The following CFAP46 variants were observed in gnomAD, a reference collection of about 807,000 sequenced individuals.
CFAP46 encodes cilia and flagella associated protein 46.
In CFAP46, 245 loss-of-function variants were observed where a neutral mutation model predicts 325.7. The observed-to-expected ratio is 0.75, with a 90% CI of 0.68 to 0.84. CFAP46 has a LOEUF of 0.84. CFAP46 is among the 40% of genes least tolerant of loss of function. The pLI is 0.00. For missense variants in CFAP46, 3,346 were observed against 3,543.0 expected, an observed-to-expected ratio of 0.94 and a Z score of 1.41; for synonymous variants, 1,523 against 1,495.9, an observed-to-expected ratio of 1.02 and a Z score of -0.42.
In CFAP46 at chr10:132,808,513, C is replaced by T. The variant is rs1276958358; in HGVS notation, c.8056G>A (p.Gly2686Ser). The T allele has an allele frequency of 1.9e-6, 3 of 1,613,178 alleles. No homozygotes were observed. Among genetic ancestry groups the T allele is most frequent in the Non-Finnish European group, 1.7e-6 (2 of 1,179,998 alleles). Residue 2686 changes from glycine (G) to serine (S), a missense_variant, in exon 58 of 58, where the codon GGC becomes AGC. Transcript: ENST00000368586. This position sits in a 1 kb window ranked among gnomAD's most constrained non-coding sequence, Gnocchi z 6.8. ...RRGWSCVSSRGQDKGGLPLAA... is the reference protein window; with the variant it reads ...RRGWSCVSSRSQDKGGLPLAA... ...AAGGGGAGGCCGCCCTTGTCCTGGC[C>T]CCGGGAAGAGACGCAGCTCCAGCCC...
At chr10:132,851,355 G>C (rs1201323138) in intron 39 of CFAP46, 50 bp from the exon 40 acceptor site, 1 of 1,563,934 alleles carries the variant, frequency 6.4e-7, no homozygotes, top group Non-Finnish European at 8.7e-7. Context: ...TGGTAAGCCT[G>C]AATCTACATC....
chr10:132,888,678 GCCTGCACCTGCCA>G (rs1849210995), intron 25 of CFAP46, among the ~76,000 whole-genome samples: 3 of 61,584 alleles, frequency 4.9e-5, no homozygotes, highest in African/African-American at 3.1e-4. Context: ...CACCCCTGCC[GCCTGCACCTGCCA>G]CCTTCACCCC....
chr10:132,811,023 C>G lies in CFAP46; in HGVS notation c.7510G>C (p.Val2504Leu). The change falls in exon 56 of 58, where the codon GTG becomes CTG. Residue 2504 changes from valine to leucine, a missense_variant. Val to Leu is a conservative substitution (Grantham distance 32). Transcript: ENST00000368586. ...CGCGCCAGGTCCAGCAGGACTGCCACCTGGCACTCTGCCGGGACGGGAAGG... is the reference window on the plus strand; with the variant it reads ...CGCGCCAGGTCCAGCAGGACTGCCAGCTGGCACTCTGCCGGGACGGGAAGG... ...LVAMNLQECQ[V>L]AVLLDLARSY... 6.3e-7 allele frequency: 1 copy of G among 1,599,080 alleles called. No individual in the cohort carries two copies. Among genetic ancestry groups the G allele is most frequent in the Middle Eastern group, 1.7e-4 (1 of 6,050 alleles).
At chr10:132,904,972 T>C (rs1417362408) in intron 22 of CFAP46, among the ~76,000 whole-genome samples, 4 of 152,142 alleles carry the variant, frequency 2.6e-5, no homozygotes, top group African/African-American at 7.2e-5. Flanking sequence ...CCTTGGCACC[T>C]ACGACGTCAC....
At chr10:132,845,964 T>C in intron 44 of CFAP46, 93 bp downstream of exon 44, 3 of 1,355,456 alleles carry the variant, frequency 2.2e-6, no homozygotes, top group Non-Finnish European at 3.0e-6. Flanking sequence ...TGAGCAAGGC[T>C]GCCTCGCTCA....
Position 132,885,899 on chromosome 10 carries a change from G to T in CFAP46, c.3365C>A (p.Ala1122Asp), listed in dbSNP as rs1039960844. 64 of 1,550,166 alleles carry T rather than the reference G, an allele frequency of 4.1e-5. No individual in the cohort carries two copies. Among genetic ancestry groups the T allele is most frequent in the Non-Finnish European group, 5.2e-5 (60 of 1,146,876 alleles). Residue 1122 changes from alanine to aspartate, a missense_variant, in exon 26 of 58, where the codon GCC (alanine) becomes GAC (aspartate). Coordinates refer to ENST00000368586, the MANE Select transcript of CFAP46 (RefSeq NM_001200049.3). Reference sequence around the variant, plus strand: ...GCCGCCCTCCCAGTCGTCCTGGTCGGCATGGCTGTGGAAGAGCAGGCCGTA... The same window carrying T: ...GCCGCCCTCCCAGTCGTCCTGGTCGTCATGGCTGTGGAAGAGCAGGCCGTA... Reference protein sequence around the residue: ...ALYGLLFHSHADQDDWEGGLK... With the variant: ...ALYGLLFHSHDDQDDWEGGLK...
At chr10:132,872,383 A>G (rs1022686740) in intron 32 of CFAP46, 6 of 385,186 alleles carry the variant, frequency 1.6e-5, no homozygotes, top group African/African-American at 1.3e-4. Context: ...CCTCCTGAGT[A>G]GTTGCGACAA....
At chr10:132,835,178 T>A in intron 47 of CFAP46, 126 bp downstream of exon 47, 8 of 1,310,512 alleles carry the variant, frequency 6.1e-6, no homozygotes, top group Middle Eastern at 5.4e-4. Flanking sequence ...GGTGTTGGGA[T>A]GGCCCAAGCC....
At chr10:132,874,688 G>A (rs888746496) in intron 31 of CFAP46, among the ~76,000 whole-genome samples, 3 of 74,662 alleles carry the variant, frequency 4.0e-5, no homozygotes, top group Admixed American at 3.1e-4. Context: ...AATGAAGGAG[G>A]AAAACATCAT....
rs143091220 is a variant in CFAP46, at chr10:132,828,922, C to A, written c.7117+4436G>T. Among the ~76,000 whole-genome samples the A allele has an allele frequency of 3.8e-3, 577 of 152,266 alleles. 7 individuals carry two copies. The highest frequency in any genetic ancestry group is 0.013 in the African/African-American group (546 of 41,510). ...TGCTTCTGGTTCCCCGCCCCATCCC[C>A]TGGGTCTACACGGCTACCGTCACGC... On this transcript the variant is annotated intron_variant, in intron 50 of 57. Coordinates refer to ENST00000368586, the MANE Select transcript of CFAP46 (RefSeq NM_001200049.3). This position sits in a 1 kb window ranked among gnomAD's most constrained non-coding sequence, Gnocchi z 4.9.
intron 12 of CFAP46, 101 bp downstream of exon 12, chr10:132,922,379 C>G: frequency 1.4e-6 from 2 of 1,444,506 alleles, no homozygotes; most frequent in African/African-American, 1.4e-5. Context: ...TTGCTTCAGG[C>G]AGCCCTGGGC....
intron 50 of CFAP46, among the ~76,000 whole-genome samples, chr10:132,824,249 A>ATG: frequency 9.1e-6 from 1 of 109,774 alleles, no homozygotes; most frequent in Admixed American, 1.1e-4. Context: ...GTGAGTGCTG[A>ATG]TGTGTGCTGT....
chr10:132,898,234 A>G (rs1849343946), intron 24 of CFAP46, among the ~76,000 whole-genome samples: 1 of 152,156 alleles, frequency 6.6e-6, no homozygotes, highest in African/African-American at 2.4e-5. Flanking sequence ...AGGGAGCTGC[A>G]TCCACAGACC....
Position 132,889,026 on chromosome 10 carries a change from C to A in CFAP46, c.3305-3067G>T, listed in dbSNP as rs980058264. ...CTCAGACTACGCAGCCCCTCACGCC[C>A]TTTCTCTTTTCAGAAGTCTGGTGCT... On this transcript the variant is annotated intron_variant, in intron 25 of 57. Transcript: ENST00000368586. This position sits in a 1 kb window ranked among gnomAD's most constrained non-coding sequence, Gnocchi z 6.0. Among the ~76,000 whole-genome samples the A allele has an allele frequency of 6.6e-6, 1 of 152,202 alleles. No individual in the cohort carries two copies. Among genetic ancestry groups the A allele is most frequent in the Non-Finnish European group, 1.5e-5 (1 of 68,036 alleles).
At chr10:132,821,772 CTG>C (rs1228996277) in intron 50 of CFAP46, among the ~76,000 whole-genome samples, 3 of 115,664 alleles carry the variant, frequency 2.6e-5, no homozygotes, top group African/African-American at 3.7e-5. Flanking sequence ...GTGCTGTGTG[CTG>C]TGTGAGTGCT....
At position 132,919,252 on chromosome 10, in the gene CFAP46, C is replaced by G. The variant is rs1849683491; in HGVS notation, c.1858+63G>C. The stretch of plus-strand genomic sequence containing the variant: ...GGTTGTCATTGCACGAACCACAACC[C>G]TTCCCACACCCAGAGGGCGGCCGTG... On this transcript the variant is annotated intron_variant, in intron 15 of 57. Coordinates refer to ENST00000368586, the MANE Select transcript of CFAP46 (RefSeq NM_001200049.3). This position sits in a 1 kb window ranked among gnomAD's most constrained non-coding sequence, Gnocchi z 9.7. 3 of 1,501,180 alleles carry G rather than the reference C, an allele frequency of 2.0e-6. No homozygotes were observed. In the Admixed American group the frequency reaches 6.6e-5, roughly 33 times the overall value. 93.0% of individuals were successfully genotyped at this position (1,501,180 alleles called of 1,614,324 possible). A position where few individuals can be genotyped will look rare whatever the true frequency, so the allele number is the denominator to read the frequency against.
In CFAP46 at chr10:132,885,201, C is replaced by T. The variant is rs539823464; in HGVS notation, c.3529G>A (p.Glu1177Lys). The T allele has an allele frequency of 1.9e-6, 3 of 1,550,544 alleles. No individual in the cohort carries two copies. The highest frequency in any genetic ancestry group is 1.4e-5 in the African/African-American group (1 of 73,180). The stretch of plus-strand genomic sequence containing the variant: ...TGCCACATGCGCGCCAAGTAGTCCT[C>T]ACTCTCGGCCTTGAATTTCTGTATT... ...MEIQKFKAESEDYLARMWHRL... is the reference protein window; with the variant it reads ...MEIQKFKAESKDYLARMWHRL... Residue 1177 changes from glutamate to lysine, a missense_variant, in exon 27 of 58, where the codon GAG (glutamate) becomes AAG (lysine). Glu to Lys is a moderately conservative substitution (Grantham distance 56). Coordinates refer to ENST00000368586, the MANE Select transcript of CFAP46 (RefSeq NM_001200049.3).
intron 17 of CFAP46, 48 bp from the exon 18 acceptor site, chr10:132,913,306 G>T: frequency 6.6e-7 from 1 of 1,504,174 alleles, no homozygotes. Context: ...CCCCAGCCCC[G>T]GGGCCAGGCA....
chr10:132,934,232 G>A (rs1042368392), intron 8 of CFAP46, among the ~76,000 whole-genome samples: 2 of 152,200 alleles, frequency 1.3e-5, no homozygotes, highest in Non-Finnish European at 2.9e-5. Context: ...TGACAAAATC[G>A]CTCCAGGGGC....
Sources: gnomAD v4.1 joint callset for allele counts (sites outside exome capture counted in the v4.1 genomes callset) on GRCh38, gnomAD v4.1.1 for gene constraint, Gnocchi (gnomAD v3.1) non-coding constraint, MANE v1.5 for transcripts, NCBI Gene and HGNC (gene_info 2026-07-23, HGNC 2026-07-21) for gene names.